The following CALN1 variants were observed in gnomAD, a reference collection of about 807,000 sequenced individuals.
CALN1 encodes the protein calneuron 1.
In CALN1, 17 loss-of-function variants were observed where a neutral mutation model predicts 30.6. The observed-to-expected ratio is 0.56, with a 90% CI of 0.38 to 0.83. The LOEUF (loss-of-function observed/expected upper bound fraction) is 0.83. Ranked by LOEUF, CALN1 falls within the 40% of genes least tolerant of loss-of-function variation. The probability of loss-of-function intolerance (pLI) is 0.00; values close to 1 mark genes in which losing one functional copy is unlikely to be tolerated. For synonymous variants in CALN1, 156 were observed against 131.4 expected (o/e 1.19, Z -1.28); for missense variants, 291 against 354.9 (o/e 0.82, Z 1.45).
At chr7:72,242,975 A>G (rs1794936243) in intron 3 of CALN1, among the ~76,000 whole-genome samples, 1 of 152,216 alleles carries the variant, frequency 6.6e-6, no homozygotes, top group South Asian at 2.1e-4. Context: ...AAGACATTTG[A>G]TATTATAGAT....
intron 3 of CALN1, among the ~76,000 whole-genome samples, chr7:72,113,076 G>C (rs10225060): frequency 0.25 from 37,563 of 151,988 alleles, 5,549 homozygotes; most frequent in East Asian, 0.69. Flanking sequence ...AATTGCACTA[G>C]GGCGATGCTA....
chr7:72,155,940 T>C (rs1173563248), intron 3 of CALN1, among the ~76,000 whole-genome samples: 3 of 152,136 alleles, frequency 2.0e-5, no homozygotes, highest in African/African-American at 7.2e-5. Flanking sequence ...TTCCTCTCTC[T>C]AATCTCCTGC....
At chr7:72,471,397 G>C in the CALN1 span, among the ~76,000 whole-genome samples, 1 of 152,194 alleles carries the variant, frequency 6.6e-6, no homozygotes, top group Non-Finnish European at 1.5e-5. Flanking sequence ...TGAACCAGGT[G>C]CTAAAGAGAG....
chr7:71,982,453 G>A (rs925744235), intron 5 of CALN1, among the ~76,000 whole-genome samples: 1 of 152,092 alleles, frequency 6.6e-6, no homozygotes, highest in East Asian at 1.9e-4. Flanking sequence ...AATTAGCTGG[G>A]CATGGCAGTA....
At chr7:71,834,755 C>T (rs1228890208) in intron 5 of CALN1, among the ~76,000 whole-genome samples, 1 of 152,132 alleles carries the variant, frequency 6.6e-6, no homozygotes, top group East Asian at 1.9e-4. Flanking sequence ...AAACAGATGA[C>T]AAATGCAGAC....
Position 72,312,296 on chromosome 7 carries a change from C to T in CALN1, c.120-33486G>A, listed in dbSNP as rs544507573. On this transcript the variant is annotated intron_variant, in intron 2 of 6. Coordinates refer to ENST00000395275, the MANE Select transcript of CALN1 (RefSeq NM_031468.4). ...GTGCATATCTGTAATCCCAGCTACTCGGGAGGCTGAGGCAGGAGAATCACT... is the reference window on the plus strand; with the variant it reads ...GTGCATATCTGTAATCCCAGCTACTTGGGAGGCTGAGGCAGGAGAATCACT... Among the ~76,000 whole-genome samples the T allele has an allele frequency of 4.7e-5, 7 of 149,514 alleles. No individual in the cohort carries two copies. In the South Asian group the frequency reaches 1.5e-3, roughly 32 times the overall value.
chr7:72,004,729 A>C (rs1004335940), intron 5 of CALN1, among the ~76,000 whole-genome samples: 4 of 152,186 alleles, frequency 2.6e-5, no homozygotes, highest in African/African-American at 9.7e-5. Context: ...CAACTAACCA[A>C]TTTGCAAACA....
At chr7:72,447,423 C>A (rs1808562816), upstream of CALN1, among the ~76,000 whole-genome samples, 1 of 152,116 alleles carries the variant, frequency 6.6e-6, no homozygotes. Flanking sequence ...GGCTGTGGAC[C>A]CACGCACTGC....
chr7:72,098,094 T>C (rs2129540436), intron 4 of CALN1, among the ~76,000 whole-genome samples: 1 of 152,186 alleles, frequency 6.6e-6, no homozygotes, highest in African/African-American at 2.4e-5. Context: ...ATTCCTGACA[T>C]GCAAAGGACA....
At chr7:71,952,356 T>G (rs962280298) in intron 5 of CALN1, among the ~76,000 whole-genome samples, 1 of 152,126 alleles carries the variant, frequency 6.6e-6, no homozygotes, top group Non-Finnish European at 1.5e-5. Flanking sequence ...CTCACCTCCT[T>G]GCCTGAGGAA....
At chr7:72,312,686 T>C (rs998177788) in intron 2 of CALN1, among the ~76,000 whole-genome samples, 5 of 152,062 alleles carry the variant, frequency 3.3e-5, no homozygotes, top group African/African-American at 4.8e-5. Flanking sequence ...AATGGCATCA[T>C]TGAAAAGGAA....
At chr7:72,374,070 CAA>C (rs922794931) in intron 2 of CALN1, among the ~76,000 whole-genome samples, 3 of 152,124 alleles carry the variant, frequency 2.0e-5, no homozygotes, top group Non-Finnish European at 2.9e-5. Flanking sequence ...TGCAAGGAAA[CAA>C]AGAGAATTTC....
At chr7:72,279,709 G>A (rs1262383229) in intron 2 of CALN1, among the ~76,000 whole-genome samples, 2 of 152,184 alleles carry the variant, frequency 1.3e-5, no homozygotes, top group Admixed American at 6.5e-5. Context: ...AAGAGGAAAG[G>A]CAGATGGGAA....
intron 1 of CALN1, among the ~76,000 whole-genome samples, chr7:72,436,029 C>G (rs935164041): frequency 2.6e-5 from 4 of 152,178 alleles, no homozygotes; most frequent in African/African-American, 9.7e-5. Flanking sequence ...GCCCCCCAGC[C>G]TGGGTCTAAA....
rs116809066 is a variant in CALN1, at chr7:71,793,965, A to G, written c.659-6063T>C. Among the ~76,000 whole-genome samples the G allele has an allele frequency of 4.0e-3, 611 of 152,306 alleles. 5 individuals carry two copies. Among genetic ancestry groups the G allele is most frequent in the African/African-American group, 0.013 (524 of 41,570 alleles). On this transcript the variant is annotated intron_variant, in intron 6 of 6. Transcript: ENST00000395275. ...CTGGAAAATTGTTTGTGCCCAATGAATGCGAGCTCCCTTGTATAAACCTTT... is the reference window on the plus strand; with the variant it reads ...CTGGAAAATTGTTTGTGCCCAATGAGTGCGAGCTCCCTTGTATAAACCTTT...
intron 2 of CALN1, among the ~76,000 whole-genome samples, chr7:72,314,329 C>G (rs1800265342): frequency 6.7e-6 from 1 of 150,254 alleles, no homozygotes; most frequent in Non-Finnish European, 1.5e-5. Context: ...GTGCAATACA[C>G]TATGTTAACA....
chr7:71,826,356 A>T (rs1788914310), intron 5 of CALN1, among the ~76,000 whole-genome samples: 1 of 152,218 alleles, frequency 6.6e-6, no homozygotes, highest in Non-Finnish European at 1.5e-5. Flanking sequence ...ACAGTCTAGA[A>T]GAAATTTTCC....
intron 4 of CALN1, among the ~76,000 whole-genome samples, chr7:72,036,650 G>A (rs568437168): frequency 4.6e-5 from 7 of 151,846 alleles, no homozygotes; most frequent in Non-Finnish European, 7.4e-5. Flanking sequence ...TATACTTTTT[G>A]GCTTTAGAAT....
chr7:72,419,171 C>T (rs890968788), intron 1 of CALN1, among the ~76,000 whole-genome samples: 5 of 152,150 alleles, frequency 3.3e-5, no homozygotes, highest in South Asian at 4.1e-4. Context: ...GACGCCCTGC[C>T]GCTGCTCAAA....
Sources: allele counts gnomAD v4.1 joint callset (sites outside exome capture counted in the v4.1 genomes callset), GRCh38; gene constraint gnomAD v4.1.1; transcripts MANE v1.5; gene names NCBI Gene and HGNC (gene_info 2026-07-23, HGNC 2026-07-21).